Variants in CERKL observed in about 807,000 individuals in gnomAD.
CERKL encodes ceramide kinase-like protein.
In CERKL, 61 loss-of-function variants were observed where a neutral mutation model predicts 63.4. The observed-to-expected ratio is 0.96, with a 90% CI of 0.78 to 1.19. CERKL has a LOEUF of 1.19. Ranked by LOEUF, CERKL falls within the 50% of genes most tolerant of loss-of-function variation. CERKL has a pLI of 0.00. For synonymous variants in CERKL, 250 were observed against 230.5 expected (o/e 1.08, Z -0.77); for missense variants, 675 against 655.5 (o/e 1.03, Z -0.33).
At chr2:181,620,603 A>G (rs1686406923) in intron 1 of CERKL, among the ~76,000 whole-genome samples, 1 of 152,206 alleles carries the variant, frequency 6.6e-6, no homozygotes, top group South Asian at 2.1e-4. Context: ...TACCTGAGAG[A>G]TTAAAGTAAT....
chr2:181,590,682 A>G (rs1345424413), intron 2 of CERKL, among the ~76,000 whole-genome samples: 2 of 152,232 alleles, frequency 1.3e-5, no homozygotes, highest in Non-Finnish European at 2.9e-5. Flanking sequence ...ACTTGAAAAG[A>G]TGCTGAACTT....
intron 1 of CERKL, among the ~76,000 whole-genome samples, chr2:181,609,899 C>G (rs761729507): frequency 1.3e-5 from 2 of 151,980 alleles, no homozygotes; most frequent in Non-Finnish European, 2.9e-5. Context: ...TGATTTAGAA[C>G]TGACTAATCT....
chr2:181,548,707 G>C lies in CERKL; in HGVS notation c.1046C>G (p.Ala349Gly). ...WMSPNQRRDF[A>G]VVKALAKLKA... is the part of the protein sequence containing the mutation. ...AAGTTTTGCCAGTGCCTTAACAACA[G>C]CAAAATCTCTCCGTTGGTTAGGGGA... The change falls in exon 7 of 13, where the codon GCT becomes GGT. Residue 349 changes from alanine to glycine, a missense_variant. Transcript: ENST00000410087. The C allele has an allele frequency of 6.2e-7, 1 of 1,613,968 alleles. No individual in the cohort carries two copies. The highest frequency in any genetic ancestry group is 8.5e-7 in the Non-Finnish European group (1 of 1,179,922).
chr2:181,608,765 T>C (rs897831843), intron 1 of CERKL, among the ~76,000 whole-genome samples: 2 of 152,144 alleles, frequency 1.3e-5, no homozygotes, highest in African/African-American at 2.4e-5. Flanking sequence ...AATTGATGGA[T>C]TTAAGGGGAA....
At chr2:181,540,390 C>T (rs966421292) in intron 11 of CERKL, among the ~76,000 whole-genome samples, 3 of 152,172 alleles carry the variant, frequency 2.0e-5, no homozygotes, top group Non-Finnish European at 4.4e-5. Context: ...TTATATTTCC[C>T]TCCACCACCC....
chr2:181,606,131 A>G (rs1437062560), intron 1 of CERKL, among the ~76,000 whole-genome samples: 1 of 150,104 alleles, frequency 6.7e-6, no homozygotes, highest in Non-Finnish European at 1.5e-5. Context: ...AGACAGAGAG[A>G]AGGGGACAAG....
At chr2:181,585,432 T>G (rs1267150263) in intron 2 of CERKL, among the ~76,000 whole-genome samples, 1 of 152,206 alleles carries the variant, frequency 6.6e-6, no homozygotes, top group East Asian at 1.9e-4. Context: ...AAGCTTCTCT[T>G]TAAATTGGTA....
intron 1 of CERKL, among the ~76,000 whole-genome samples, chr2:181,622,950 AC>A (rs1462452806): frequency 6.6e-6 from 1 of 152,182 alleles, no homozygotes; most frequent in African/African-American, 2.4e-5. Context: ...CTCATGCCTA[AC>A]TTTCTCCTGT....
At chr2:181,609,156 G>A (rs572067031) in intron 1 of CERKL, among the ~76,000 whole-genome samples, 1 of 151,684 alleles carries the variant, frequency 6.6e-6, no homozygotes, top group East Asian at 1.9e-4. Flanking sequence ...TGCACATTGT[G>A]CAGCTGAGTT....
intron 1 of CERKL, among the ~76,000 whole-genome samples, chr2:181,650,699 C>A (rs1389924823): frequency 6.6e-6 from 1 of 151,390 alleles, no homozygotes; most frequent in South Asian, 2.1e-4. Flanking sequence ...GCAGAGGTTG[C>A]GGTGAGCCGA....
At chr2:181,588,209 CCTAT>C in intron 2 of CERKL, among the ~76,000 whole-genome samples, 1 of 152,120 alleles carries the variant, frequency 6.6e-6, no homozygotes, top group South Asian at 2.1e-4. Flanking sequence ...ACTTCTTCCT[CCTAT>C]CTAACTGAAA....
intron 2 of CERKL, among the ~76,000 whole-genome samples, chr2:181,601,472 G>C (rs897903317): frequency 1.3e-5 from 2 of 152,158 alleles, no homozygotes; most frequent in Non-Finnish European, 2.9e-5. Flanking sequence ...GAGGCAGGGA[G>C]AATTGCTCAA....
At position 181,603,743 on chromosome 2, in the gene CERKL, A is replaced by C. The variant is rs745734293; in HGVS notation, c.481+94T>G. 6.4e-6 allele frequency: 8 copies of C among 1,249,548 alleles called. No homozygotes were observed. In the East Asian group the frequency reaches 1.9e-4, roughly 29 times the overall value. 77.4% of individuals were successfully genotyped at this position (1,249,548 alleles called of 1,614,324 possible). A position where few individuals can be genotyped will look rare whatever the true frequency, so the allele number is the denominator to read the frequency against. On this transcript the variant is annotated intron_variant, in intron 2 of 12. Transcript: ENST00000410087. ...AGGAACAGAAGGAAACTATCTCAAC[A>C]TCACTAAAGTTGTTTTTACTCAAAA...
In CERKL at chr2:181,603,911, G is replaced by T. The variant is rs760779138; in HGVS notation, c.407C>A (p.Ser136Tyr). Residue 136 changes from serine to tyrosine, a missense_variant, in exon 2 of 13, where the codon TCT (serine) becomes TAT (tyrosine). By Grantham distance (144) the Ser-to-Tyr change is moderately radical. Coordinates refer to ENST00000410087, the MANE Select transcript of CERKL (RefSeq NM_201548.5). ...LKKEQNKLKN[S>Y]TLDLINLSED... ...ACTTAAATTAATAAGATCAAGTGTA[G>T]AATTCTTTAGTTTATTTTGTTCCTT... 1.9e-6 allele frequency: 3 copies of T among 1,612,794 alleles called. No individual in the cohort carries two copies. The Admixed American group carries it at 5.0e-5, about 27-fold the overall frequency.
intron 2 of CERKL, among the ~76,000 whole-genome samples, chr2:181,600,034 CA>C (rs1685392228): frequency 6.6e-6 from 1 of 152,156 alleles, no homozygotes; most frequent in South Asian, 2.1e-4. Flanking sequence ...AAGAAGAGAT[CA>C]GGGGCCTACT....
At chr2:181,623,714 T>C (rs1374326800) in intron 1 of CERKL, among the ~76,000 whole-genome samples, 2 of 152,180 alleles carry the variant, frequency 1.3e-5, no homozygotes, top group Non-Finnish European at 2.9e-5. Context: ...GAATCTCTCA[T>C]CTGCAATTCT....
At chr2:181,624,836 G>A (rs1300261065) in intron 1 of CERKL, among the ~76,000 whole-genome samples, 1 of 152,176 alleles carries the variant, frequency 6.6e-6, no homozygotes, top group Non-Finnish European at 1.5e-5. Flanking sequence ...TCTATAGGAG[G>A]TACATATTTA....
Position 181,657,058 on chromosome 2 carries a change from A to C in CERKL, c.-52T>G. ...CAGGGGTCCGGGGAGGCCTTTGGAG[A>C]AGGAGGTGGAGGGCGCGGCAGCCCC... On this transcript the variant is annotated 5_prime_UTR_variant, in exon 1 of 13. Transcript: ENST00000410087. 1 of 1,494,670 alleles carries C rather than the reference A, an allele frequency of 6.7e-7. No individual in the cohort carries two copies. Among genetic ancestry groups the C allele is most frequent in the Non-Finnish European group, 9.1e-7 (1 of 1,100,556 alleles). The allele number at this position is 1,494,670 out of a possible 1,614,324, so 92.6% of individuals were successfully genotyped here.
At chr2:181,608,564 C>A (rs970040471) in intron 1 of CERKL, among the ~76,000 whole-genome samples, 1 of 152,170 alleles carries the variant, frequency 6.6e-6, no homozygotes, top group African/African-American at 2.4e-5. Context: ...CTTAACAACT[C>A]AATGACTATT....
Sources: allele counts gnomAD v4.1 joint callset (sites outside exome capture counted in the v4.1 genomes callset), GRCh38; gene constraint gnomAD v4.1.1; transcripts MANE v1.5; gene names NCBI Gene and HGNC (gene_info 2026-07-23, HGNC 2026-07-21).